The following CRLS1 variants were observed in gnomAD, a reference collection of about 807,000 sequenced individuals.
The protein encoded by CRLS1 is cardiolipin synthase (CMP-forming).
Under a neutral mutation model 37.0 loss-of-function variants are expected in CRLS1, and 24 were observed. The observed-to-expected ratio is 0.65, with a 90% CI of 0.47 to 0.91. The LOEUF is 0.91. CRLS1 is among the 40% of genes least tolerant of loss of function. The probability of loss-of-function intolerance (pLI) is 0.00; values close to 1 mark genes in which losing one functional copy is unlikely to be tolerated. For missense variants in CRLS1, 373 were observed against 395.8 expected, an observed-to-expected ratio of 0.94 and a Z score of 0.49; for synonymous variants, 135 against 159.7, an observed-to-expected ratio of 0.85 and a Z score of 1.17.
rs1161298827 is a variant in CRLS1 at position 6,011,572 on chromosome 20, C to CCTT, written c.444+1660_444+1661insCTT. ...TCTTTCTCCTTTTCTTTTGTCCCTGCTTTTTTTTTTTTTTTTTTTTTTTTT... is the reference window on the plus strand; with the variant it reads ...TCTTTCTCCTTTTCTTTTGTCCCTGCCTTTTTTTTTTTTTTTTTTTTTTTTTTT... On this transcript the variant is annotated intron_variant, in intron 2 of 6. Transcript: ENST00000378863. Among the ~76,000 whole-genome samples, 42 of 27,862 alleles carry CCTT rather than the reference C, an allele frequency of 1.5e-3. 3 individuals carry two copies. The highest frequency in any genetic ancestry group is 3.6e-3 in the African/African-American group (35 of 9,820). The allele number at this position is 27,862 out of a possible 152,430, so 18.3% of individuals were successfully genotyped here.
intron 3 of CRLS1, among the ~76,000 whole-genome samples, chr20:6,020,041 AT>A (rs2122965671): frequency 6.6e-6 from 1 of 152,264 alleles, no homozygotes; most frequent in South Asian, 2.1e-4. Flanking sequence ...GTAATTAAAA[AT>A]TTTTAGTAGT....
In CRLS1 at chr20:6,031,998, T is replaced by G; in HGVS notation, c.661-14T>G. On this transcript the variant is annotated splice_polypyrimidine_tract_variant and intron_variant, in intron 4 of 6. Transcript: ENST00000378863. ...AATAAGTTAATTACTTTATCTTTTT[T>G]GGTCCTCTGCCAGCGAACACTTGCC... 1 of 1,601,054 alleles carries G rather than the reference T, an allele frequency of 6.2e-7. No individual in the cohort carries two copies. Among genetic ancestry groups the G allele is most frequent in the Non-Finnish European group, 8.6e-7 (1 of 1,169,420 alleles).
chr20:6,017,928 C>T (rs1305450267), intron 3 of CRLS1, among the ~76,000 whole-genome samples: 1 of 152,082 alleles, frequency 6.6e-6, no homozygotes, highest in Non-Finnish European at 1.5e-5. Context: ...TTTTAAATTT[C>T]ATTTTCTGGC....
Position 6,009,757 on chromosome 20 carries a change from G to T in CRLS1, c.307-18G>T. The T allele has an allele frequency of 6.3e-7, 1 of 1,595,730 alleles. No individual in the cohort carries two copies. Among genetic ancestry groups the T allele is most frequent in the Non-Finnish European group, 8.6e-7 (1 of 1,169,058 alleles). On this transcript the variant is annotated intron_variant, in intron 1 of 6. Coordinates refer to ENST00000378863, the MANE Select transcript of CRLS1 (RefSeq NM_019095.6). The stretch of plus-strand genomic sequence containing the variant: ...ATTCATAGTATTTTACTTAAATTTT[G>T]TTGTCTTTGTGTTTCAGTATGAAAA...
chr20:6,006,752 T>C, intron 1 of CRLS1, 200 bp downstream of exon 1: 1 of 985,412 alleles, frequency 1.0e-6, no homozygotes, highest in Non-Finnish European at 1.2e-6. Flanking sequence ...ACGGTCTCTG[T>C]GGTCAAGTTA....
intron 3 of CRLS1, among the ~76,000 whole-genome samples, chr20:6,023,662 T>A (rs1913108308): frequency 6.6e-6 from 1 of 151,794 alleles, no homozygotes; most frequent in South Asian, 2.1e-4. Flanking sequence ...TCCGAAAGAT[T>A]CCCCCAACAT....
chr20:6,014,234 AG>A (rs1978564645), intron 2 of CRLS1, among the ~76,000 whole-genome samples: 1 of 152,238 alleles, frequency 6.6e-6, no homozygotes, highest in African/African-American at 2.4e-5. Context: ...ACTAAGGCTT[AG>A]TCAGGCCAAA....
intron 3 of CRLS1, among the ~76,000 whole-genome samples, chr20:6,017,249 G>A (rs1188711821): frequency 1.3e-5 from 2 of 152,160 alleles, no homozygotes; most frequent in African/African-American, 2.4e-5. Context: ...GAATTGTGAA[G>A]ACCCTCTTCC....
Position 6,037,275 on chromosome 20 carries a change from A to T in CRLS1, c.*117A>T, listed in dbSNP as rs1448757336. 5 of 554,104 alleles carry T rather than the reference A, an allele frequency of 9.0e-6. No homozygotes were observed. The highest frequency in any genetic ancestry group is 1.9e-5 in the African/African-American group (1 of 52,376). 34.3% of individuals were successfully genotyped at this position (554,104 alleles called of 1,614,324 possible). A position where few individuals can be genotyped will look rare whatever the true frequency, so the allele number is the denominator to read the frequency against. ...TTCAGCTTGAAAAAGGACTTGTCAG[A>T]ATCAACTGTGTCATCAAAATTTAAG... is the stretch of plus-strand genomic sequence containing the variant. On this transcript the variant is annotated 3_prime_UTR_variant, in exon 7 of 7. Transcript: ENST00000378863.
rs1322814989 is a variant in CRLS1, at chr20:6,039,068, T to A, written c.*1910T>A. 1 of 152,252 alleles carries A rather than the reference T, an allele frequency of 6.6e-6. No individual in the cohort carries two copies. Among genetic ancestry groups the A allele is most frequent in the Non-Finnish European group, 1.5e-5 (1 of 68,046 alleles). The allele number at this position is 152,252 out of a possible 1,614,324, so 9.4% of individuals were successfully genotyped here. A position where few individuals can be genotyped will look rare whatever the true frequency, so the allele number is the denominator to read the frequency against. On this transcript the variant is annotated 3_prime_UTR_variant, in exon 7 of 7. Transcript: ENST00000378863. ...ATTTCATTGTCTTCACTGAATAGAC[T>A]TAACCTTGACAGTAAGCTTAAAGCA...
At chr20:6,036,947 C>T in intron 6 of CRLS1, 127 bp from the exon 7 acceptor site, 1 of 624,728 alleles carries the variant, frequency 1.6e-6, no homozygotes, top group Non-Finnish European at 2.7e-6. Flanking sequence ...AATTACACCA[C>T]AGAGCCCTTT....
chr20:6,009,938 T>C (rs1281134542), intron 2 of CRLS1, 26 bp downstream of exon 2: 3 of 1,608,034 alleles, frequency 1.9e-6, no homozygotes, highest in Non-Finnish European at 2.6e-6. Context: ...ACTCCCAGTT[T>C]GCTCTCCTTC....
rs180721008 is a variant in CRLS1 at position 6,024,995 on chromosome 20, A to G, written c.575-6290A>G. ...TTTGTGCAGTTTAAGGAAAAAAGCC[A>G]TCTCCATAACATGGAAGTGCAAGAT... is the stretch of plus-strand genomic sequence containing the variant. On this transcript the variant is annotated intron_variant, in intron 3 of 6. Coordinates refer to ENST00000378863, the MANE Select transcript of CRLS1 (RefSeq NM_019095.6). Among the ~76,000 whole-genome samples, 38 of 152,346 alleles carry G rather than the reference A, an allele frequency of 2.5e-4. 1 individual carries two copies. The East Asian group carries it at 6.0e-3, about 24-fold the overall frequency.
chr20:6,011,898 A>T (rs1391432433), intron 2 of CRLS1, among the ~76,000 whole-genome samples: 2 of 150,960 alleles, frequency 1.3e-5, no homozygotes, highest in African/African-American at 4.9e-5. Context: ...CCCTTCTTTT[A>T]TCCCAAAGCC....
chr20:6,007,278 C>T lies in CRLS1; in HGVS notation c.306+726C>T, dbSNP rs538801169. 3.2e-6 allele frequency: 5 copies of T among 1,556,186 alleles called. No homozygotes were observed. In the African/African-American group the frequency reaches 6.8e-5, roughly 21 times the overall value. On this transcript the variant is annotated intron_variant, in intron 1 of 6. Transcript: ENST00000378863. ...GTTGTACAGCATGGGTTGAGGTGGC[C>T]AGATCCTGGCAGGGGTCTCAACTCC...
chr20:6,017,740 C>G (rs1978871315), intron 3 of CRLS1, among the ~76,000 whole-genome samples: 1 of 152,162 alleles, frequency 6.6e-6, no homozygotes, highest in Non-Finnish European at 1.5e-5. Flanking sequence ...AACTTATGAT[C>G]TGTTTGGAGG....
At chr20:6,036,130 T>G (rs1980532415) in intron 6 of CRLS1, among the ~76,000 whole-genome samples, 1 of 152,074 alleles carries the variant, frequency 6.6e-6, no homozygotes, top group African/African-American at 2.4e-5. Context: ...TATTATTTTT[T>G]GTAGAAACAG....
chr20:6,037,167 A>T lies in CRLS1; in HGVS notation c.*9A>T. Reference sequence around the variant, plus strand: ...AGGTGATAAAAGACTGATGAAAGTCATCCCTCACTGTTAGTAAGGAAGCAG... The same window carrying T: ...AGGTGATAAAAGACTGATGAAAGTCTTCCCTCACTGTTAGTAAGGAAGCAG... On this transcript the variant is annotated 3_prime_UTR_variant, in exon 7 of 7. Transcript: ENST00000378863. 1 of 1,599,740 alleles carries T rather than the reference A, an allele frequency of 6.3e-7. No homozygotes were observed. Among genetic ancestry groups the T allele is most frequent in the South Asian group, 1.1e-5 (1 of 90,688 alleles).
At chr20:6,026,026 A>C (rs943608208) in intron 3 of CRLS1, 5 of 152,284 alleles carry the variant, frequency 3.3e-5, no homozygotes, top group African/African-American at 1.2e-4. Flanking sequence ...AGGCCGCTGC[A>C]GGGCTTGAAA....
Sources: allele counts gnomAD v4.1 joint callset (sites outside exome capture counted in the v4.1 genomes callset), GRCh38; gene constraint gnomAD v4.1.1; transcripts MANE v1.5; gene names NCBI Gene and HGNC (gene_info 2026-07-23, HGNC 2026-07-21).